DMRT2: variants seen among roughly 807,000 people sequenced by gnomAD.
The protein encoded by DMRT2 is doublesex and mab-3 related transcription factor 2.
A neutral mutation model predicts 43.5 loss-of-function variants in DMRT2; 33 were observed. The observed-to-expected ratio is 0.76, with a 90% CI of 0.58 to 1.01. DMRT2 has a LOEUF of 1.01. DMRT2 is among the 50% of genes least tolerant of loss of function. DMRT2 has a pLI of 0.00. For missense variants in DMRT2, 1,064 were observed against 748.0 expected, an observed-to-expected ratio of 1.42 and a Z score of -4.93; for synonymous variants, 395 against 309.2, an observed-to-expected ratio of 1.28 and a Z score of -2.91.
chr9:1,052,191 T>G, intron 2 of DMRT2, 53 bp downstream of exon 2: 2 of 1,292,256 alleles, frequency 1.5e-6, no homozygotes, highest in South Asian at 2.1e-5. Flanking sequence ...GTGGGGGAGT[T>G]GGAGGGGAGC....
Position 1,056,766 on chromosome 9 carries a change from G to C in DMRT2, c.1179G>C (p.Met393Ile). Residue 393 changes from methionine (M) to isoleucine (I), a missense_variant, in exon 4 of 4, where the codon ATG becomes ATC. Physicochemically the swap from Met to Ile is conservative, Grantham distance 10. Coordinates refer to ENST00000358146, the MANE Select transcript of DMRT2 (RefSeq NM_181872.6). ...ATGGACTCAGTGCAGAGCAGGACAT[G>C]ATGCCATCGAAATTGGAAGGTTCCC... ...VQDGLSAEQD[M>I]MPSKLEGSLV... 6.2e-7 allele frequency: 1 copy of C among 1,614,112 alleles called. No individual in the cohort carries two copies. The highest frequency in any genetic ancestry group is 1.6e-4 in the Middle Eastern group (1 of 6,062).
In DMRT2 at chr9:1,051,516, G is replaced by A. The variant is rs570312574; in HGVS notation, c.-44-54G>A. 5.0e-4 allele frequency: 702 copies of A among 1,417,416 alleles called. 2 individuals carry two copies. The African/African-American group carries it at 9.4e-3, about 19-fold the overall frequency. The allele number at this position is 1,417,416 out of a possible 1,614,324, so 87.8% of individuals were successfully genotyped here. A position where few individuals can be genotyped will look rare whatever the true frequency, so the allele number is the denominator to read the frequency against. ...CAGGAGCTTTGGGCCGGAGGCTCAG[G>A]GATGGTCCCTGACGGCGGCCGGTGG... is the stretch of plus-strand genomic sequence containing the variant. On this transcript the variant is annotated intron_variant, in intron 1 of 3. Coordinates refer to ENST00000358146, the MANE Select transcript of DMRT2 (RefSeq NM_181872.6). This position sits in a 1 kb window ranked among gnomAD's most constrained non-coding sequence, Gnocchi z 5.9.
At chr9:1,054,253 A>C (rs1297522663) in intron 3 of DMRT2, among the ~76,000 whole-genome samples, 3 of 152,236 alleles carry the variant, frequency 2.0e-5, no homozygotes. Flanking sequence ...TAAATAACTT[A>C]AACAAAGCAA....
Position 1,051,871 on chromosome 9 carries a change from G to T in DMRT2, c.258G>T (p.Pro86=). The T allele has an allele frequency of 7.2e-7, 1 of 1,383,260 alleles. No homozygotes were observed. Among genetic ancestry groups the T allele is most frequent in the South Asian group, 1.7e-5 (1 of 59,374 alleles). The allele number at this position is 1,383,260 out of a possible 1,614,324, so 85.7% of individuals were successfully genotyped here. Reference sequence around the variant, plus strand: ...CGGAGCAGCGGGGGGGACCGCAGCCGAGGCCGCCGCTCGCGCCTCAGGCCT... The same window carrying T: ...CGGAGCAGCGGGGGGGACCGCAGCCTAGGCCGCCGCTCGCGCCTCAGGCCT... ...GQPEQRGGPQ[P]RPPLAPQASP... Residue 86 remains proline, a synonymous_variant, in exon 2 of 4, where the codon CCG becomes CCT. Transcript: ENST00000358146. The surrounding 1 kb of genome is among the most constrained non-coding windows in gnomAD (Gnocchi z 5.9).
At chr9:1,055,952 CA>C in intron 3 of DMRT2, 1 of 1,393,974 alleles carries the variant, frequency 7.2e-7, no homozygotes. Context: ...TTGAAGCAAG[CA>C]AGCAAACAAA....
Position 1,056,344 on chromosome 9 carries a change from G to C in DMRT2, c.757G>C (p.Glu253Gln), listed in dbSNP as rs1159018712. Residue 253 changes from glutamate (E) to glutamine (Q), a missense_variant, in exon 4 of 4, where the codon GAA becomes CAA. Transcript: ENST00000358146. The stretch of plus-strand genomic sequence containing the variant: ...GTTGGAGAACATTATGCTGGAGAGA[G>C]AATATAAAGAAAGGGAGATGTTGGA... ...KELENIMLEREYKEREMLETS... is the reference protein window; with the variant it reads ...KELENIMLERQYKEREMLETS... The C allele has an allele frequency of 1.9e-6, 3 of 1,614,068 alleles. No individual in the cohort carries two copies. Among genetic ancestry groups the C allele is most frequent in the Non-Finnish European group, 2.5e-6 (3 of 1,180,046 alleles).
intron 2 of DMRT2, chr9:1,053,032 G>A (rs1821712981): frequency 6.6e-6 from 1 of 152,374 alleles, no homozygotes; most frequent in African/African-American, 2.4e-5. Flanking sequence ...CCTGGTCCTG[G>A]GCTTGGTCTC....
intron 3 of DMRT2, among the ~76,000 whole-genome samples, chr9:1,054,925 G>A (rs1821866452): frequency 6.6e-6 from 1 of 151,416 alleles, no homozygotes; most frequent in Non-Finnish European, 1.5e-5. Context: ...TTTTTTTCTT[G>A]TGTAGCTTCT....
Position 1,057,095 on chromosome 9 carries a change from A to G in DMRT2, c.1508A>G (p.His503Arg). The change falls in exon 4 of 4, where the codon CAC (histidine) becomes CGC (arginine). Residue 503 changes from histidine (H) to arginine (R), a missense_variant. Physicochemically the swap from His to Arg is conservative, Grantham distance 29. Transcript: ENST00000358146. ...GCCTTTGAAGAGACCCCTAAGAAACACAGAGAGTGTTTAGTTAAGGACAAC... is the reference window on the plus strand; with the variant it reads ...GCCTTTGAAGAGACCCCTAAGAAACGCAGAGAGTGTTTAGTTAAGGACAAC... ...KEAFEETPKK[H>R]RECLVKDNQK... is the part of the protein sequence containing the mutation. The G allele has an allele frequency of 6.2e-7, 1 of 1,614,186 alleles. No individual in the cohort carries two copies. The highest frequency in any genetic ancestry group is 1.7e-5 in the Admixed American group (1 of 60,026).
Position 1,051,864 on chromosome 9 carries a change from C to A in DMRT2, c.251C>A (p.Pro84Gln), listed in dbSNP as rs1285784013. 7.9e-6 allele frequency: 11 copies of A among 1,387,326 alleles called. No homozygotes were observed. The highest frequency in any genetic ancestry group is 1.5e-5 in the African/African-American group (1 of 65,354). 85.9% of individuals were successfully genotyped at this position (1,387,326 alleles called of 1,614,324 possible). ...GGCCAGCCGGAGCAGCGGGGGGGAC[C>A]GCAGCCGAGGCCGCCGCTCGCGCCT... is the stretch of plus-strand genomic sequence containing the variant. ...MPGQPEQRGG[P>Q]QPRPPLAPQA... Residue 84 changes from proline (P) to glutamine (Q), a missense_variant, in exon 2 of 4, where the codon CCG (proline) becomes CAG (glutamine). Coordinates refer to ENST00000358146, the MANE Select transcript of DMRT2 (RefSeq NM_181872.6). The surrounding 1 kb of genome is among the most constrained non-coding windows in gnomAD (Gnocchi z 5.9).
chr9:1,057,231 T>C lies in DMRT2; in HGVS notation c.1644T>C (p.Ile548=). The C allele has an allele frequency of 6.2e-7, 1 of 1,613,336 alleles. No individual in the cohort carries two copies. Among genetic ancestry groups the C allele is most frequent in the South Asian group, 1.1e-5 (1 of 91,046 alleles). ...NEPLSFSVES[I]LKRPSSAITR... Reference sequence around the variant, plus strand: ...CACTGTCATTTTCTGTTGAGTCTATTCTTAAGAGGCCTTCATCTGCCATCA... The same window carrying C: ...CACTGTCATTTTCTGTTGAGTCTATCCTTAAGAGGCCTTCATCTGCCATCA... Residue 548 remains isoleucine, a synonymous_variant, in exon 4 of 4, where the codon ATT becomes ATC. Transcript: ENST00000358146.
chr9:1,053,788 A>G lies in DMRT2; in HGVS notation c.592A>G (p.Arg198Gly). The G allele has an allele frequency of 1.2e-6, 2 of 1,614,216 alleles. No homozygotes were observed. Among genetic ancestry groups the G allele is most frequent in the Non-Finnish European group, 1.7e-6 (2 of 1,180,038 alleles). Residue 198 changes from arginine to glycine, a missense_variant, in exon 3 of 4, where the codon AGA (arginine) becomes GGA (glycine). By Grantham distance (125) the Arg-to-Gly change is moderately radical. Transcript: ENST00000358146. ...CAAAGCTGTGTACCAGAGGCAAGTC[A>G]GAGCCCCCAGTTTGCTGGCCAAAAG... ...ERKAVYQRQVRAPSLLAKSIL... is the reference protein window; with the variant it reads ...ERKAVYQRQVGAPSLLAKSIL...
intron 2 of DMRT2, 151 bp downstream of exon 2, chr9:1,052,289 A>G: frequency 9.3e-6 from 5 of 540,062 alleles, no homozygotes; most frequent in Non-Finnish European, 1.4e-5. Context: ...TTCTGCTTGC[A>G]CTGGCGAGCA....
At chr9:1,054,999 C>T (rs1442696857) in intron 3 of DMRT2, among the ~76,000 whole-genome samples, 4 of 152,148 alleles carry the variant, frequency 2.6e-5, no homozygotes, top group Non-Finnish European at 5.9e-5. Flanking sequence ...TTGTATACTT[C>T]TGACCATAGA....
Position 1,056,944 on chromosome 9 carries a change from A to G in DMRT2, c.1357A>G (p.Thr453Ala). ...CCTGGCAGCTCAAGGGCATGTCTTA[A>G]CGAAGATCAGCAAAGAAAACACCAG... Reference protein sequence around the residue: ...DSLAAQGHVLTKISKENTRHP... With the variant: ...DSLAAQGHVLAKISKENTRHP... Residue 453 changes from threonine (T) to alanine (A), a missense_variant, in exon 4 of 4, where the codon ACG (threonine) becomes GCG (alanine). Transcript: ENST00000358146. 3.1e-6 allele frequency: 5 copies of G among 1,614,210 alleles called. No individual in the cohort carries two copies. The highest frequency in any genetic ancestry group is 4.2e-6 in the Non-Finnish European group (5 of 1,180,040).
chr9:1,053,677 C>T (rs1363184316), intron 2 of DMRT2, 45 bp from the exon 3 acceptor site: 1 of 1,534,798 alleles, frequency 6.5e-7, no homozygotes, highest in African/African-American at 1.4e-5. Flanking sequence ...TTCTCGCCCC[C>T]ATTTTCTTTC....
rs1214897873 is a variant in DMRT2 at position 1,056,634 on chromosome 9, C to A, written c.1047C>A (p.Pro349=). ...SRFLVWPKCG[P]ISDTLLYQQC... is the part of the protein sequence containing the mutation. Reference sequence around the variant, plus strand: ...TTTTAGTTTGGCCCAAGTGTGGCCCCATTAGCGACACCCTCCTCTACCAGC... The same window carrying A: ...TTTTAGTTTGGCCCAAGTGTGGCCCAATTAGCGACACCCTCCTCTACCAGC... The change falls in exon 4 of 4, where the codon CCC becomes CCA. Residue 349 remains proline, a synonymous_variant. Coordinates refer to ENST00000358146, the MANE Select transcript of DMRT2 (RefSeq NM_181872.6). 2 of 1,614,074 alleles carry A rather than the reference C, an allele frequency of 1.2e-6. No homozygotes were observed. Among genetic ancestry groups the A allele is most frequent in the Non-Finnish European group, 1.7e-6 (2 of 1,180,040 alleles).
At position 1,051,972 on chromosome 9, in the gene DMRT2, C is replaced by A. The variant is rs1026105363; in HGVS notation, c.359C>A (p.Thr120Lys). 42 of 1,431,736 alleles carry A rather than the reference C, an allele frequency of 2.9e-5. No individual in the cohort carries two copies. The highest frequency in any genetic ancestry group is 3.6e-5 in the Non-Finnish European group (40 of 1,098,690). The allele number at this position is 1,431,736 out of a possible 1,614,324, so 88.7% of individuals were successfully genotyped here. The change falls in exon 2 of 4, where the codon ACG (threonine) becomes AAG (lysine). Residue 120 changes from threonine (T) to lysine (K), a missense_variant. Transcript: ENST00000358146. The surrounding 1 kb of genome is among the most constrained non-coding windows in gnomAD (Gnocchi z 5.9). ...GGAEPRKLSR[T>K]PKCARCRNHG... ...GCGGAGCCGCGCAAGCTGAGCCGCA[C>A]GCCCAAGTGCGCGCGCTGCCGCAAC...
rs1822053783 is a variant in DMRT2 at position 1,057,054 on chromosome 9, A to G, written c.1467A>G (p.Thr489=). The change falls in exon 4 of 4, where the codon ACA becomes ACG. Residue 489 remains threonine (T), a synonymous_variant. Coordinates refer to ENST00000358146, the MANE Select transcript of DMRT2 (RefSeq NM_181872.6). The stretch of plus-strand genomic sequence containing the variant: ...ACAAATCGGGTCCTGAGTTGAAAAC[A>G]CCATTTGTCAAAGAGGCCTTTGAAG... ...LTDKSGPELK[T]PFVKEAFEET... 1 of 1,614,198 alleles carries G rather than the reference A, an allele frequency of 6.2e-7. No individual in the cohort carries two copies. The highest frequency in any genetic ancestry group is 8.5e-7 in the Non-Finnish European group (1 of 1,180,034).
Sources: gnomAD v4.1 joint callset for allele counts (sites outside exome capture counted in the v4.1 genomes callset) on GRCh38, gnomAD v4.1.1 for gene constraint, Gnocchi (gnomAD v3.1) non-coding constraint, MANE v1.5 for transcripts, NCBI Gene and HGNC (gene_info 2026-07-23, HGNC 2026-07-21) for gene names.